DAAM1: variants seen among roughly 807,000 people sequenced by gnomAD.
DAAM1 encodes disheveled-associated activator of morphogenesis 1.
Under a neutral mutation model 130.0 loss-of-function variants are expected in DAAM1, and 52 were observed. The observed-to-expected ratio is 0.40, with a 90% CI of 0.32 to 0.50. DAAM1 has a LOEUF of 0.50. Among genes scored for constraint, DAAM1 ranks in the 20% least tolerant of loss-of-function variants. DAAM1 has a pLI of 0.61. For synonymous variants in DAAM1, 452 were observed against 444.5 expected, an observed-to-expected ratio of 1.02 and a Z score of -0.21; for missense variants, 1,134 against 1,303.8, an observed-to-expected ratio of 0.87 and a Z score of 2.01.
At chr14:59,258,288 C>G (rs1319016247) in intron 1 of DAAM1, among the ~76,000 whole-genome samples, 1 of 152,130 alleles carries the variant, frequency 6.6e-6, no homozygotes, top group Non-Finnish European at 1.5e-5. Context: ...CCTTTACCAG[C>G]AAATCAAGTG....
At chr14:59,268,783 C>T (rs917423151) in intron 2 of DAAM1, among the ~76,000 whole-genome samples, 3 of 152,194 alleles carry the variant, frequency 2.0e-5, no homozygotes, top group Admixed American at 1.3e-4. Context: ...CTCCTCCCCT[C>T]TCCCAGTCTT....
At chr14:59,357,951 A>G (rs1421294050) in intron 20 of DAAM1, among the ~76,000 whole-genome samples, 1 of 152,260 alleles carries the variant, frequency 6.6e-6, no homozygotes, top group Non-Finnish European at 1.5e-5. Flanking sequence ...TGCAAGGGTA[A>G]AGAAAATTGT....
intron 23 of DAAM1, 138 bp from the exon 24 acceptor site, chr14:59,367,291 G>GAAAATCTCCA: frequency 7.3e-7 from 1 of 1,371,664 alleles, no homozygotes; most frequent in East Asian, 2.7e-5. Context: ...ATCTCCAAAA[G>GAAAATCTCCA]AAAGAAAGAA....
At chr14:59,206,299 G>A (rs970670590) in intron 1 of DAAM1, among the ~76,000 whole-genome samples, 5 of 151,784 alleles carry the variant, frequency 3.3e-5, no homozygotes, top group East Asian at 1.9e-4. Context: ...TTTTTGAGAC[G>A]GAGTCTTGCT....
intron 4 of DAAM1, among the ~76,000 whole-genome samples, chr14:59,318,057 A>G (rs1884859489): frequency 6.6e-6 from 1 of 152,184 alleles, no homozygotes. Flanking sequence ...AAGCCTCATT[A>G]CAAGAATGCT....
chr14:59,347,784 C>A (rs941886), intron 17 of DAAM1, among the ~76,000 whole-genome samples, 161 bp downstream of exon 17: 98,941 of 152,006 alleles, frequency 0.65, 32,465 homozygotes, highest in East Asian at 0.84. Flanking sequence ...AACTTAATGA[C>A]CTTATTCTCT....
intron 24 of DAAM1, among the ~76,000 whole-genome samples, chr14:59,368,034 T>C (rs1886990077): frequency 6.6e-6 from 1 of 152,100 alleles, no homozygotes; most frequent in South Asian, 2.1e-4. Flanking sequence ...GATTTCTACA[T>C]GAAATCTTTT....
chr14:59,339,119 T>G (rs1260335660), intron 15 of DAAM1, among the ~76,000 whole-genome samples: 2 of 152,170 alleles, frequency 1.3e-5, no homozygotes, highest in African/African-American at 4.8e-5. Flanking sequence ...ACTTTAGAGG[T>G]ACTACTTTAA....
At chr14:59,331,548 T>C in intron 14 of DAAM1, 40 bp downstream of exon 14, 1 of 1,535,886 alleles carries the variant, frequency 6.5e-7, no homozygotes, top group South Asian at 1.3e-5. Flanking sequence ...ATGGATAGCA[T>C]TAGCAGCTCA....
At chr14:59,209,884 A>C (rs1175000327) in intron 1 of DAAM1, among the ~76,000 whole-genome samples, 1 of 152,158 alleles carries the variant, frequency 6.6e-6, no homozygotes, top group Non-Finnish European at 1.5e-5. Flanking sequence ...TGGGAGGCCA[A>C]GGCAGGAGGA....
At chr14:59,332,783 T>C (rs1429982175) in intron 15 of DAAM1, among the ~76,000 whole-genome samples, 1 of 152,078 alleles carries the variant, frequency 6.6e-6, no homozygotes, top group Admixed American at 6.6e-5. Flanking sequence ...TTGAGTCCAG[T>C]AGTGTGAGAA....
chr14:59,284,222 C>T (rs1309161473), intron 2 of DAAM1, among the ~76,000 whole-genome samples: 2 of 151,926 alleles, frequency 1.3e-5, no homozygotes, highest in Non-Finnish European at 2.9e-5. Context: ...GTTATTAGGA[C>T]ATAAGTGTTC....
chr14:59,212,330 T>G (rs1020862582), intron 1 of DAAM1, among the ~76,000 whole-genome samples: 6 of 152,234 alleles, frequency 3.9e-5, no homozygotes, highest in African/African-American at 1.4e-4. Flanking sequence ...TAGTATTAAA[T>G]GAGAATTTCT....
At chr14:59,253,084 G>A (rs914641709) in intron 1 of DAAM1, among the ~76,000 whole-genome samples, 6 of 152,070 alleles carry the variant, frequency 3.9e-5, no homozygotes, top group African/African-American at 1.4e-4. Flanking sequence ...TTCATTCTGT[G>A]TTGAAATTTT....
At chr14:59,203,830 T>C (rs575670836) in intron 1 of DAAM1, among the ~76,000 whole-genome samples, 1 of 152,248 alleles carries the variant, frequency 6.6e-6, no homozygotes, top group Non-Finnish European at 1.5e-5. Context: ...GCAGCATGTT[T>C]CTGCTGTAGA....
chr14:59,363,129 T>C, intron 22 of DAAM1: 1 of 156,096 alleles, frequency 6.4e-6, no homozygotes, highest in Non-Finnish European at 1.4e-5. Flanking sequence ...ACCAATATGG[T>C]ATGGACAAGA....
In DAAM1 at chr14:59,327,402, C is replaced by CTTTTTTTTTTTTT. The variant is rs386381493; in HGVS notation, c.1372+423_1372+435dup. Among the ~76,000 whole-genome samples, 118 of 58,988 alleles carry CTTTTTTTTTTTTT rather than the reference C, an allele frequency of 2.0e-3. 20 individuals carry two copies. Among genetic ancestry groups the CTTTTTTTTTTTTT allele is most frequent in the East Asian group, 7.3e-3 (15 of 2,046 alleles). 38.7% of individuals were successfully genotyped at this position (58,988 alleles called of 152,430 possible). A position where few individuals can be genotyped will look rare whatever the true frequency, so the allele number is the denominator to read the frequency against. ...AAGAGAAGAACAGGTCACTTGGTTTCTTTTTTTTTTTTTTTTTTTTTTTTG... is the reference window on the plus strand; with the variant it reads ...AAGAGAAGAACAGGTCACTTGGTTTCTTTTTTTTTTTTTTTTTTTTTTTTTTTTTTTTTTTTTG... On this transcript the variant is annotated intron_variant, in intron 12 of 24. Coordinates refer to ENST00000360909, the MANE Select transcript of DAAM1 (RefSeq NM_001270520.2).
chr14:59,348,755 G>GT (rs1886175408), intron 17 of DAAM1, among the ~76,000 whole-genome samples: 2 of 152,096 alleles, frequency 1.3e-5, no homozygotes. Flanking sequence ...TTGCACGTGT[G>GT]TTTTCCATGG....
At chr14:59,229,635 C>A (rs1400761034) in intron 1 of DAAM1, among the ~76,000 whole-genome samples, 1 of 152,122 alleles carries the variant, frequency 6.6e-6, no homozygotes, top group African/African-American at 2.4e-5. Context: ...TCTTTCTTTA[C>A]TTCCTAAGAG....
Sources: allele counts gnomAD v4.1 joint callset (sites outside exome capture counted in the v4.1 genomes callset), GRCh38; gene constraint gnomAD v4.1.1; transcripts MANE v1.5; gene names NCBI Gene and HGNC (gene_info 2026-07-23, HGNC 2026-07-21).